Variants in ATP9B observed in about 807,000 individuals in gnomAD.
ATP9B encodes probable phospholipid-transporting ATPase IIB.
Under a neutral mutation model 146.1 loss-of-function variants are expected in ATP9B, and 110 were observed. The observed-to-expected ratio is 0.75, with a 90% CI of 0.65 to 0.88. The LOEUF (loss-of-function observed/expected upper bound fraction) is 0.88. Ranked by LOEUF, ATP9B falls within the 40% of genes least tolerant of loss-of-function variation. The pLI is 0.00. For synonymous variants in ATP9B, 604 were observed against 569.7 expected (o/e 1.06, Z -0.86); for missense variants, 1,499 against 1,496.4 (o/e 1.00, Z -0.03).
At position 79,069,518 on chromosome 18, in the gene ATP9B, C is replaced by A; in HGVS notation, c.108C>A (p.Asp36Glu). 1 of 1,421,680 alleles carries A rather than the reference C, an allele frequency of 7.0e-7. No homozygotes were observed. Among genetic ancestry groups the A allele is most frequent in the Non-Finnish European group, 9.2e-7 (1 of 1,085,862 alleles). 88.1% of individuals were successfully genotyped at this position (1,421,680 alleles called of 1,614,324 possible). A position where few individuals can be genotyped will look rare whatever the true frequency, so the allele number is the denominator to read the frequency against. Residue 36 changes from aspartate to glutamate, a missense_variant, in exon 1 of 30, where the codon GAC becomes GAA. Asp to Glu is a conservative substitution (Grantham distance 45, BLOSUM62 2). Coordinates refer to ENST00000426216, the MANE Select transcript of ATP9B (RefSeq NM_198531.5). The part of the protein sequence containing the change: ...YSAAGPRPGA[D>E]RHSRYQLEDE... The stretch of plus-strand genomic sequence containing the variant: ...CCGCGGGGCCCAGGCCGGGAGCCGA[C>A]CGGCACAGCAGGTAACCGAGGCGGC...
intron 9 of ATP9B, among the ~76,000 whole-genome samples, chr18:79,202,060 A>AAG (rs1036704710): frequency 3.3e-5 from 5 of 151,600 alleles, no homozygotes; most frequent in Admixed American, 3.3e-4. Flanking sequence ...CCTGTCCTAA[A>AAG]ATATATATAT....
chr18:79,236,457 A>G (rs1206956728), intron 11 of ATP9B, among the ~76,000 whole-genome samples: 1 of 151,890 alleles, frequency 6.6e-6, no homozygotes, highest in Non-Finnish European at 1.5e-5. Flanking sequence ...TCTCAGTTGT[A>G]ACATTGTTTA....
intron 8 of ATP9B, among the ~76,000 whole-genome samples, chr18:79,181,305 A>G (rs969224374): frequency 6.6e-6 from 1 of 152,156 alleles, no homozygotes; most frequent in South Asian, 2.1e-4. Flanking sequence ...GCTTTCAGGA[A>G]TTTAAGTGTG....
chr18:79,230,086 T>C (rs2095776383), intron 11 of ATP9B, among the ~76,000 whole-genome samples: 1 of 152,194 alleles, frequency 6.6e-6, no homozygotes, highest in South Asian at 2.1e-4. Context: ...AAGTGTAGTT[T>C]AATTATTTTC....
intron 1 of ATP9B, among the ~76,000 whole-genome samples, chr18:79,077,556 G>A (rs1451820218): frequency 6.6e-6 from 1 of 152,160 alleles, no homozygotes; most frequent in Non-Finnish European, 1.5e-5. Context: ...CTTTATTACT[G>A]CTATTTGGGG....
At chr18:79,264,672 G>GTTTT (rs376441505) in intron 12 of ATP9B, among the ~76,000 whole-genome samples, 8 of 146,616 alleles carry the variant, frequency 5.5e-5, no homozygotes, top group African/African-American at 2.0e-4. Context: ...AGTGTTTTTT[G>GTTTT]TTTTTTTTTT....
At chr18:79,265,682 C>T (rs980780090) in intron 12 of ATP9B, among the ~76,000 whole-genome samples, 1 of 151,832 alleles carries the variant, frequency 6.6e-6, no homozygotes, top group African/African-American at 2.4e-5. Flanking sequence ...TTTTGATGTG[C>T]AGAGATTCTT....
chr18:79,308,192 G>A (rs1428107965), intron 15 of ATP9B, among the ~76,000 whole-genome samples: 1 of 152,186 alleles, frequency 6.6e-6, no homozygotes, highest in Non-Finnish European at 1.5e-5. Flanking sequence ...AGCAAGGACT[G>A]AGAGGTTGCA....
At chr18:79,164,975 G>C (rs1274553728) in intron 7 of ATP9B, among the ~76,000 whole-genome samples, 1 of 152,182 alleles carries the variant, frequency 6.6e-6, no homozygotes, top group Admixed American at 6.5e-5. Flanking sequence ...TCTGTGGAAA[G>C]GGTGGGCTGG....
intron 5 of ATP9B, among the ~76,000 whole-genome samples, chr18:79,127,669 C>T (rs2094309901): frequency 6.6e-6 from 1 of 152,164 alleles, no homozygotes; most frequent in Non-Finnish European, 1.5e-5. Flanking sequence ...CAGCTATGGA[C>T]ATTTGTGTAC....
intron 1 of ATP9B, among the ~76,000 whole-genome samples, chr18:79,092,616 T>A (rs1026384301): frequency 1.3e-5 from 2 of 151,300 alleles, no homozygotes; most frequent in Admixed American, 6.6e-5. Context: ...TTTTCTTTTT[T>A]AAAAAAATTT....
At chr18:79,142,211 C>T (rs747321315) in intron 5 of ATP9B, among the ~76,000 whole-genome samples, 10 of 151,994 alleles carry the variant, frequency 6.6e-5, no homozygotes, top group South Asian at 2.1e-4. Context: ...AGAAATTAAT[C>T]GTGATCACTA....
At chr18:79,232,139 G>A (rs954462546) in intron 11 of ATP9B, among the ~76,000 whole-genome samples, 6 of 152,094 alleles carry the variant, frequency 3.9e-5, no homozygotes, top group African/African-American at 7.2e-5. Flanking sequence ...TGTCCCACCT[G>A]GGGGAAGGAA....
At chr18:79,232,791 T>C (rs1409331533) in intron 11 of ATP9B, among the ~76,000 whole-genome samples, 1 of 151,854 alleles carries the variant, frequency 6.6e-6, no homozygotes, top group Non-Finnish European at 1.5e-5. Context: ...ACCCAAAGAA[T>C]CAAAAGGCAA....
rs1490346127 is a variant in ATP9B at position 79,346,751 on chromosome 18, TACTC to T, written c.2682+915_2682+918del. ...GCCTGGTCATTTTACACTCAGCACA[TACTC>T]ACCGCATGCTTGGTCGGCACAGTCA... On this transcript the variant is annotated intron_variant, in intron 23 of 29. Transcript: ENST00000426216. Among the ~76,000 whole-genome samples the T allele has an allele frequency of 5.9e-5, 9 of 152,300 alleles. 1 individual carries two copies. The highest frequency in any genetic ancestry group is 2.2e-4 in the African/African-American group (9 of 41,576).
intron 4 of ATP9B, among the ~76,000 whole-genome samples, chr18:79,123,186 C>T (rs938327358): frequency 5.9e-5 from 9 of 151,962 alleles, no homozygotes; most frequent in African/African-American, 2.2e-4. Flanking sequence ...GGAATCTACA[C>T]ACAAAAACAT....
chr18:79,303,737 C>G, intron 14 of ATP9B, 21 bp downstream of exon 14: 2 of 1,585,120 alleles, frequency 1.3e-6, no homozygotes, highest in South Asian at 2.2e-5. Flanking sequence ...TCCTCCTGCA[C>G]GGGGTCTGCT....
At chr18:79,303,575 T>C in intron 13 of ATP9B, 29 bp from the exon 14 acceptor site, 3 of 1,581,022 alleles carry the variant, frequency 1.9e-6, no homozygotes, top group Non-Finnish European at 2.6e-6. Flanking sequence ...CCTGCATTAA[T>C]GTGTTTGCTG....
intron 5 of ATP9B, among the ~76,000 whole-genome samples, chr18:79,128,099 G>A (rs1427205566): frequency 5.0e-5 from 6 of 120,648 alleles, no homozygotes; most frequent in South Asian, 2.7e-4. Context: ...TTGTTCTGTC[G>A]CCCAGGCTGG....
Sources: allele counts gnomAD v4.1 joint callset (sites outside exome capture counted in the v4.1 genomes callset), GRCh38; gene constraint gnomAD v4.1.1; transcripts MANE v1.5; gene names NCBI Gene and HGNC (gene_info 2026-07-23, HGNC 2026-07-21).